DTL: variants seen among roughly 807,000 people sequenced by gnomAD.
The protein encoded by DTL is denticleless protein homolog.
Under a neutral mutation model 87.0 loss-of-function variants are expected in DTL, and 46 were observed. That is an observed-to-expected ratio of 0.53 (90% CI 0.42 to 0.68). The LOEUF is 0.68. Among genes scored for constraint, DTL ranks in the 30% least tolerant of loss-of-function variants. DTL has a pLI of 0.00. For synonymous variants in DTL, 308 were observed against 311.2 expected, an observed-to-expected ratio of 0.99 and a Z score of 0.11; for missense variants, 737 against 869.4, an observed-to-expected ratio of 0.85 and a Z score of 1.91.
chr1:212,035,968 C>A, intron 1 of DTL, 26 bp downstream of exon 1: 1 of 1,611,844 alleles, frequency 6.2e-7, no homozygotes, highest in South Asian at 1.1e-5. Context: ...AACCGCTGCT[C>A]GGAGCTGGCG....
chr1:212,080,620 T>C lies in DTL; in HGVS notation c.1131T>C (p.Ala377=), dbSNP rs1264404071. 14 of 1,612,254 alleles carry C rather than the reference T, an allele frequency of 8.7e-6. No individual in the cohort carries two copies. Among genetic ancestry groups the C allele is most frequent in the Non-Finnish European group, 1.2e-5 (14 of 1,179,178 alleles). ...CWCPSDFTKI[A]TCSDDNTLKI... ...TTCTTGGTACTCCCTCTTAGATTGC[T>C]ACCTGTTCTGATGACAATACACTAA... Residue 377 remains alanine (A), a synonymous_variant, in exon 13 of 15, where the codon GCT becomes GCC. Coordinates refer to ENST00000366991, the MANE Select transcript of DTL (RefSeq NM_016448.4).
chr1:212,095,355 T>TGTTTTC (rs1655414678), intron 13 of DTL, among the ~76,000 whole-genome samples: 1 of 152,162 alleles, frequency 6.6e-6, no homozygotes, highest in South Asian at 2.1e-4. Context: ...AGTGATCATG[T>TGTTTTC]GTTTTCGTTT....
intron 1 of DTL, among the ~76,000 whole-genome samples, chr1:212,040,193 TCTTAA>T (rs150876714): frequency 0.057 from 8,739 of 152,320 alleles, 273 homozygotes; most frequent in Non-Finnish European, 0.073. Context: ...GTTTTTCTTT[TCTTAA>T]CTTTTCAAAC....
chr1:212,082,607 A>G (rs1318254165), intron 13 of DTL, among the ~76,000 whole-genome samples: 1 of 152,160 alleles, frequency 6.6e-6, no homozygotes, highest in African/African-American at 2.4e-5. Context: ...GGTGGAATAT[A>G]TAAGCATGGT....
chr1:212,072,031 A>G, intron 10 of DTL, 70 bp from the exon 11 acceptor site: 1 of 1,053,614 alleles, frequency 9.5e-7, no homozygotes, highest in Non-Finnish European at 1.5e-6. Context: ...TAGAATATAT[A>G]TGCTGTCTAT....
At chr1:212,041,465 A>T (rs897823197) in intron 1 of DTL, among the ~76,000 whole-genome samples, 5 of 130,594 alleles carry the variant, frequency 3.8e-5, no homozygotes, top group Non-Finnish European at 7.7e-5. Context: ...CTTATTCCGT[A>T]GGTTAATACT....
intron 13 of DTL, among the ~76,000 whole-genome samples, chr1:212,095,354 G>T (rs1655414538): frequency 6.6e-6 from 1 of 152,138 alleles, no homozygotes; most frequent in Non-Finnish European, 1.5e-5. Flanking sequence ...AAGTGATCAT[G>T]TGTTTTCGTT....
chr1:212,095,135 T>C (rs569248370), intron 13 of DTL, among the ~76,000 whole-genome samples: 3 of 152,334 alleles, frequency 2.0e-5, no homozygotes, highest in African/African-American at 7.2e-5. Context: ...CTATGTTGAA[T>C]AGAAGTGGTG....
chr1:212,065,095 A>G (rs1169299613), intron 7 of DTL, 66 bp downstream of exon 7: 14 of 1,148,684 alleles, frequency 1.2e-5, no homozygotes, highest in Non-Finnish European at 1.7e-5. Context: ...ATGGGAGGCT[A>G]TTGATTAAGT....
At position 212,100,816 on chromosome 1, in the gene DTL, G is replaced by A. The variant is rs777243342; in HGVS notation, c.1826G>A (p.Ser609Asn). Residue 609 changes from serine (S) to asparagine (N), a missense_variant, in exon 14 of 15, where the codon AGC (serine) becomes AAC (asparagine). By Grantham distance (46) the Ser-to-Asn change is conservative. Coordinates refer to ENST00000366991, the MANE Select transcript of DTL (RefSeq NM_016448.4). ...SKDSLGPTKS[S>N]KIEGAGTSIS... ...GACTCTCTAGGTCCTACCAAATCAA[G>A]CAAAATTGAAGGAGCTGGTACCAGT... 2.9e-5 allele frequency: 46 copies of A among 1,614,016 alleles called. No homozygotes were observed. In the East Asian group the frequency reaches 1.0e-3, roughly 36 times the overall value.
Position 212,102,973 on chromosome 1 carries a change from C to A in DTL, c.*33C>A. On this transcript the variant is annotated 3_prime_UTR_variant, in exon 15 of 15. Transcript: ENST00000366991. Reference sequence around the variant, plus strand: ...TCTGAGTGAGTTACTGAGCTTTGGTCCACTAAAACAAGCTGAGCTTTGGTC... The same window carrying A: ...TCTGAGTGAGTTACTGAGCTTTGGTACACTAAAACAAGCTGAGCTTTGGTC... The A allele has an allele frequency of 7.7e-7, 1 of 1,305,246 alleles. No individual in the cohort carries two copies. The highest frequency in any genetic ancestry group is 1.1e-6 in the Non-Finnish European group (1 of 917,340). The allele number at this position is 1,305,246 out of a possible 1,614,324, so 80.9% of individuals were successfully genotyped here. A position where few individuals can be genotyped will look rare whatever the true frequency, so the allele number is the denominator to read the frequency against.
chr1:212,063,698 A>T (rs1654404638), intron 6 of DTL, among the ~76,000 whole-genome samples: 3 of 151,588 alleles, frequency 2.0e-5, no homozygotes, highest in South Asian at 2.1e-4. Flanking sequence ...ATTTATTAAA[A>T]TTTTTTTTTG....
rs1458618438 is a variant in DTL, at chr1:212,103,798, C to CT, written c.*861dup. 6.6e-6 allele frequency: 1 copy of CT among 151,976 alleles called. No homozygotes were observed. Among genetic ancestry groups the CT allele is most frequent in the African/African-American group, 2.4e-5 (1 of 41,374 alleles). The allele number at this position is 151,976 out of a possible 1,614,324, so 9.4% of individuals were successfully genotyped here. A position where few individuals can be genotyped will look rare whatever the true frequency, so the allele number is the denominator to read the frequency against. On this transcript the variant is annotated 3_prime_UTR_variant, in exon 15 of 15. Coordinates refer to ENST00000366991, the MANE Select transcript of DTL (RefSeq NM_016448.4). ...TTGAATTCAGGTGCAGTCATCAGTT[C>CT]TTTAGGGGCTGCAATGTTTTAAAAA...
chr1:212,036,118 G>T (rs1481401383), intron 1 of DTL, among the ~76,000 whole-genome samples, 176 bp downstream of exon 1: 2 of 152,106 alleles, frequency 1.3e-5, no homozygotes, highest in Non-Finnish European at 2.9e-5. Context: ...TCATCCCCTC[G>T]GGACACTTGT....
intron 13 of DTL, among the ~76,000 whole-genome samples, chr1:212,088,769 C>A (rs1447874625): frequency 2.6e-5 from 4 of 152,186 alleles, no homozygotes; most frequent in Admixed American, 6.5e-5. Context: ...AAAAGGCAGG[C>A]TGAGGCCAGA....
At chr1:212,086,541 C>A in intron 13 of DTL, among the ~76,000 whole-genome samples, 1 of 152,150 alleles carries the variant, frequency 6.6e-6, no homozygotes, top group East Asian at 1.9e-4. Flanking sequence ...AGGCATGCAC[C>A]ACCACGCCTG....
chr1:212,096,921 T>G (rs986339336), intron 13 of DTL, among the ~76,000 whole-genome samples: 2 of 152,212 alleles, frequency 1.3e-5, no homozygotes, highest in Non-Finnish European at 2.9e-5. Context: ...GTCCATTGTT[T>G]CTATGTTGAC....
intron 13 of DTL, 113 bp downstream of exon 13, chr1:212,080,863 C>G: frequency 8.8e-7 from 1 of 1,135,420 alleles, no homozygotes; most frequent in Non-Finnish European, 1.2e-6. Context: ...AAGAAAAGCA[C>G]TATCTTCTTG....
intron 7 of DTL, among the ~76,000 whole-genome samples, chr1:212,065,259 T>C (rs1037647030): frequency 2.0e-5 from 3 of 152,202 alleles, no homozygotes; most frequent in African/African-American, 7.2e-5. Context: ...TGTAGCCTCG[T>C]TGATAAATAT....
Sources: gnomAD v4.1 joint callset for allele counts (sites outside exome capture counted in the v4.1 genomes callset) on GRCh38, gnomAD v4.1.1 for gene constraint, MANE v1.5 for transcripts, NCBI Gene and HGNC (gene_info 2026-07-23, HGNC 2026-07-21) for gene names.